SLIT3: variants seen among roughly 807,000 people sequenced by gnomAD.
SLIT3 encodes slit guidance ligand 3, also known as slit homolog 3 protein.
In SLIT3, 68 loss-of-function variants were observed where a neutral mutation model predicts 184.0. The ratio of observed to expected loss-of-function variants is 0.37; its 90% CI spans 0.30 to 0.45. The LOEUF is 0.45. SLIT3 is among the 20% of genes least tolerant of loss of function. The pLI, the probability that SLIT3 is intolerant of heterozygous loss-of-function variation, is 1.00. For synonymous variants in SLIT3, 831 were observed against 828.6 expected (o/e 1.00, Z -0.05); for missense variants, 1,707 against 2,026.0 (o/e 0.84, Z 3.02).
intron 4 of SLIT3, among the ~76,000 whole-genome samples, chr5:169,191,008 G>A (rs961583082): frequency 2.0e-5 from 3 of 152,176 alleles, no homozygotes; most frequent in African/African-American, 7.2e-5. Flanking sequence ...ATTATATTTA[G>A]CTCTCAGCTT....
chr5:169,275,105 A>T (rs1766758202), intron 1 of SLIT3, among the ~76,000 whole-genome samples: 2 of 152,242 alleles, frequency 1.3e-5, no homozygotes, highest in Non-Finnish European at 2.9e-5. Context: ...TGCCAGATCC[A>T]TTAACACAAA....
At chr5:168,927,673 G>A (rs79892076) in intron 4 of SLIT3, among the ~76,000 whole-genome samples, 2,131 of 152,264 alleles carry the variant, frequency 0.014, 21 homozygotes, top group Middle Eastern at 0.041. Context: ...CACCATGCCC[G>A]TTCATGTCTC....
intron 4 of SLIT3, among the ~76,000 whole-genome samples, chr5:169,051,557 T>C (rs1757815756): frequency 6.6e-6 from 1 of 152,208 alleles, no homozygotes; most frequent in Non-Finnish European, 1.5e-5. Flanking sequence ...TAGAGTTCCC[T>C]TTAAAAATTA....
rs1754618491 is a variant in SLIT3, at chr5:168,749,476, A to G, written c.2133T>C (p.Cys711=). 1.2e-6 allele frequency: 2 copies of G among 1,613,906 alleles called. No individual in the cohort carries two copies. The highest frequency in any genetic ancestry group is 1.7e-6 in the Non-Finnish European group (2 of 1,179,990). The change falls in exon 19 of 36, where the codon TGT becomes TGC. Residue 711 remains cysteine (C), a synonymous_variant. Transcript: ENST00000519560. The part of the protein sequence containing the change: ...IQDVAIQDFT[C]DGNEESSCQL... ...CTTGACCCACAGCCTTCTTACCATC[A>G]CAGGTGAAGTCCTGGATGGCCACAT...
chr5:168,864,871 G>T (rs1385652801), intron 5 of SLIT3, among the ~76,000 whole-genome samples: 1 of 152,146 alleles, frequency 6.6e-6, no homozygotes, highest in Admixed American at 6.6e-5. Context: ...GGTCATTGTA[G>T]CAATATTAGA....
intron 23 of SLIT3, among the ~76,000 whole-genome samples, chr5:168,713,913 C>T (rs1762638575): frequency 6.6e-6 from 1 of 152,202 alleles, no homozygotes; most frequent in Non-Finnish European, 1.5e-5. Flanking sequence ...AAGGTTTCTC[C>T]TATTGCTTTA....
chr5:169,003,465 C>A (rs1158001121), intron 4 of SLIT3, among the ~76,000 whole-genome samples: 4 of 152,220 alleles, frequency 2.6e-5, no homozygotes, highest in African/African-American at 9.6e-5. Flanking sequence ...TAGTTCTTTT[C>A]AGAGGCTCCT....
intron 4 of SLIT3, among the ~76,000 whole-genome samples, chr5:168,884,103 G>GTT (rs112909444): frequency 3.5e-5 from 5 of 141,256 alleles, no homozygotes; most frequent in Non-Finnish European, 4.7e-5. Context: ...GATATGGGCT[G>GTT]TTTTTTTTTT....
rs549107389 is a variant in SLIT3 at position 168,760,853 on chromosome 5, T to C, written c.1685+9A>G. On this transcript the variant is annotated intron_variant, in intron 16 of 35. Coordinates refer to ENST00000519560, the MANE Select transcript of SLIT3 (RefSeq NM_003062.4). ...AGAGGCTGCTGCCAAGTTCCTGAAG[T>C]TGACTTACATTTTCCGCAGGTTGGG... 5 of 1,608,322 alleles carry C rather than the reference T, an allele frequency of 3.1e-6. 1 individual carries two copies. In the African/African-American group the frequency reaches 4.0e-5, roughly 13 times the overall value.
At chr5:169,290,893 G>A (rs1767343108) in intron 1 of SLIT3, among the ~76,000 whole-genome samples, 1 of 152,096 alleles carries the variant, frequency 6.6e-6, no homozygotes, top group Non-Finnish European at 1.5e-5. Context: ...AATACACTAG[G>A]GCACGTGCTA....
intron 4 of SLIT3, among the ~76,000 whole-genome samples, chr5:169,069,997 T>C (rs1159640363): frequency 6.6e-6 from 1 of 152,088 alleles, no homozygotes; most frequent in Non-Finnish European, 1.5e-5. Flanking sequence ...GGGATGCAGA[T>C]AGGACAGCTG....
intron 23 of SLIT3, among the ~76,000 whole-genome samples, chr5:168,718,875 G>C (rs538179239): frequency 6.6e-6 from 1 of 151,960 alleles, no homozygotes; most frequent in South Asian, 2.1e-4. Flanking sequence ...AACATCTCTG[G>C]GTCTCTGGTC....
At chr5:169,233,058 GCT>G (rs1561755500) in intron 3 of SLIT3, among the ~76,000 whole-genome samples, 1 of 151,992 alleles carries the variant, frequency 6.6e-6, no homozygotes, top group African/African-American at 2.4e-5. Context: ...ATAGAGTCTC[GCT>G]CTGTCACCAG....
rs1157258489 is a variant in SLIT3 at position 169,257,533 on chromosome 5, CTTTTTTTTTTTTTTTTTTT to C, written c.198-6093_198-6075del. Among the ~76,000 whole-genome samples the C allele has an allele frequency of 6.7e-4, 54 of 80,962 alleles. 2 individuals are homozygous for C. Among genetic ancestry groups the C allele is most frequent in the Admixed American group, 1.0e-3 (6 of 5,740 alleles). 53.1% of individuals were successfully genotyped at this position (80,962 alleles called of 152,430 possible). A position where few individuals can be genotyped will look rare whatever the true frequency, so the allele number is the denominator to read the frequency against. On this transcript the variant is annotated intron_variant, in intron 1 of 35. Transcript: ENST00000519560. ...TTGATACAATAGCTTTCTATGCCTC[CTTTTTTTTTTTTTTTTTTT>C]TTTTTTTTTTTTGAGACGGTGTCTC... is the stretch of plus-strand genomic sequence containing the variant.
intron 4 of SLIT3, among the ~76,000 whole-genome samples, chr5:168,887,009 CT>C (rs1159508807): frequency 1.4e-5 from 2 of 143,564 alleles, no homozygotes; most frequent in Non-Finnish European, 3.1e-5. Flanking sequence ...CACAGATTAA[CT>C]TTCTTCGCAA....
chr5:169,063,457 G>A (rs758669569), intron 4 of SLIT3, among the ~76,000 whole-genome samples: 4 of 152,184 alleles, frequency 2.6e-5, no homozygotes, highest in Non-Finnish European at 4.4e-5. Context: ...TGACAGGAAG[G>A]GTAGGGACAG....
intron 15 of SLIT3, 123 bp downstream of exon 15, chr5:168,762,416 C>T (rs1248118488): frequency 6.0e-6 from 6 of 1,008,178 alleles, no homozygotes; most frequent in Non-Finnish European, 8.9e-6. Flanking sequence ...ATGTGAAAGA[C>T]AGCCAACAAA....
At chr5:168,831,061 G>A (rs1207704211) in intron 6 of SLIT3, among the ~76,000 whole-genome samples, 2 of 152,218 alleles carry the variant, frequency 1.3e-5, no homozygotes, top group Admixed American at 6.5e-5. Flanking sequence ...GAGAGGCAAC[G>A]CAGGACAGAG....
Position 169,141,106 on chromosome 5 carries a change from G to A in SLIT3, c.413+52373C>T, listed in dbSNP as rs116698626. 1.8e-4 allele frequency among the ~76,000 whole-genome samples: 27 copies of A among 152,144 alleles called. No homozygotes were observed. In the East Asian group the frequency reaches 2.5e-3, roughly 14 times the overall value. On this transcript the variant is annotated intron_variant, in intron 4 of 35. Transcript: ENST00000519560. ...TGACCTATCCTTCAAGACTCAGCTC[G>A]ATGCTACCTGTTCCAAGAAGATTTC...
Sources: gnomAD v4.1 joint callset for allele counts (sites outside exome capture counted in the v4.1 genomes callset) on GRCh38, gnomAD v4.1.1 for gene constraint, MANE v1.5 for transcripts, NCBI Gene and HGNC (gene_info 2026-07-23, HGNC 2026-07-21) for gene names.